OAS2: variants seen among roughly 807,000 people sequenced by gnomAD.
OAS2 encodes 2'-5'-oligoadenylate synthetase 2, also known as 2'-5'-oligoadenylate synthase 2.
A neutral mutation model predicts 71.3 loss-of-function variants in OAS2; 67 were observed. That is an observed-to-expected ratio of 0.94 (90% CI 0.77 to 1.15). The LOEUF (loss-of-function observed/expected upper bound fraction) is 1.15. Ranked by LOEUF, OAS2 falls within the 50% of genes most tolerant of loss-of-function variation. OAS2 has a pLI of 0.00. For synonymous variants in OAS2, 327 were observed against 321.8 expected (o/e 1.02, Z -0.17); for missense variants, 789 against 822.5 (o/e 0.96, Z 0.50).
intron 8 of OAS2, 140 bp from the exon 9 acceptor site, chr12:113,007,565 G>A (rs778340488): frequency 1.1e-4 from 79 of 722,522 alleles, no homozygotes; most frequent in Non-Finnish European, 1.9e-4. Flanking sequence ...CCTGTAGGCT[G>A]TACAATTTAG....
At chr12:112,996,944 G>A (rs1169208854) in intron 3 of OAS2, among the ~76,000 whole-genome samples, 2 of 152,142 alleles carry the variant, frequency 1.3e-5, no homozygotes, top group Non-Finnish European at 2.9e-5. Flanking sequence ...AAAGAACGAG[G>A]TCAGGGTTCA....
chr12:113,001,575 T>G (rs1297295998), intron 5 of OAS2, among the ~76,000 whole-genome samples: 1 of 150,114 alleles, frequency 6.7e-6, no homozygotes, highest in African/African-American at 2.4e-5. Context: ...CTCCTTGAGG[T>G]TGTCCAAATT....
chr12:113,000,536 A>ACG (rs1654076404), intron 5 of OAS2, among the ~76,000 whole-genome samples: 3 of 145,546 alleles, frequency 2.1e-5, no homozygotes, highest in African/African-American at 8.3e-5. Context: ...ACACACTCAC[A>ACG]CATGCACACA....
intron 5 of OAS2, among the ~76,000 whole-genome samples, 179 bp from the exon 6 acceptor site, chr12:113,002,753 A>G (rs2044300383): frequency 2.0e-5 from 3 of 151,944 alleles, no homozygotes; most frequent in African/African-American, 7.3e-5. Context: ...GCCACTCCAA[A>G]CTCTCAGGTG....
rs780113474 is a variant in OAS2 at position 113,006,603 on chromosome 12, A to G, written c.1656+3A>G. On this transcript the variant is annotated splice_donor_region_variant and intron_variant, in intron 8 of 9. Transcript: ENST00000392583. ...TGGTGAAGCACTGGTACAAAGAGGT[A>G]AGGACAGTCTTTGTTCTGACCATGG... 6.3e-7 allele frequency: 1 copy of G among 1,592,304 alleles called. No individual in the cohort carries two copies. The highest frequency in any genetic ancestry group is 8.6e-7 in the Non-Finnish European group (1 of 1,163,720).
At chr12:112,983,134 T>A (rs1485651910) in intron 1 of OAS2, among the ~76,000 whole-genome samples, 1 of 152,178 alleles carries the variant, frequency 6.6e-6, no homozygotes, top group East Asian at 1.9e-4. Context: ...CAACTTTTTA[T>A]TTTGTTAATT....
intron 9 of OAS2, 126 bp from the exon 10 acceptor site, chr12:113,008,961 T>C (rs2044357352): frequency 6.8e-7 from 1 of 1,470,344 alleles, no homozygotes; most frequent in Non-Finnish European, 9.1e-7. Flanking sequence ...ACTAGTAAAT[T>C]TGAGTTGCTG....
At chr12:112,987,360 C>T (rs199618139) in intron 2 of OAS2, 52 bp downstream of exon 2, 2 of 1,605,964 alleles carry the variant, frequency 1.2e-6, no homozygotes, top group African/African-American at 1.3e-5. Flanking sequence ...GGGTGCCAGA[C>T]AGCTCTGTGC....
chr12:113,006,664 G>C (rs536433008), intron 8 of OAS2, 64 bp downstream of exon 8: 1 of 1,369,606 alleles, frequency 7.3e-7, no homozygotes, highest in East Asian at 2.3e-5. Context: ...TGAACATTAA[G>C]CCCTGTTGCC....
At position 113,006,448 on chromosome 12, in the gene OAS2, G is replaced by C; in HGVS notation, c.1504G>C (p.Val502Leu). 5.0e-6 allele frequency: 8 copies of C among 1,585,086 alleles called. No individual in the cohort carries two copies. Among genetic ancestry groups the C allele is most frequent in the Non-Finnish European group, 6.9e-6 (8 of 1,158,088 alleles). ...TTCTGGCTCCACACCCAGCCCCGAGGTTTATGCAGGGCTCATTGATCTGTA... is the reference window on the plus strand; with the variant it reads ...TTCTGGCTCCACACCCAGCCCCGAGCTTTATGCAGGGCTCATTGATCTGTA... ...LSSGSTPSPE[V>L]YAGLIDLYKS... The change falls in exon 8 of 10, where the codon GTT (valine) becomes CTT (leucine). Residue 502 changes from valine to leucine, a missense_variant. Transcript: ENST00000392583.
intron 3 of OAS2, among the ~76,000 whole-genome samples, chr12:112,996,536 C>T (rs955667456): frequency 6.6e-6 from 1 of 151,968 alleles, no homozygotes; most frequent in Non-Finnish European, 1.5e-5. Context: ...GCCCACCCAG[C>T]GCAGCAAAGC....
Position 112,981,745 on chromosome 12 carries a change from GA to G in OAS2, c.177+2968del, listed in dbSNP as rs933299348. Among the ~76,000 whole-genome samples the G allele has an allele frequency of 1.3e-5, 2 of 151,582 alleles. 1 individual carries two copies. The highest frequency in any genetic ancestry group is 4.2e-4 in the South Asian group (2 of 4,802). ...TTAGGATTGTTTTTTCTATTTCTGT[GA>G]AAAAAAATGTCACTGGTATTTATAA... On this transcript the variant is annotated intron_variant, in intron 1 of 9. Transcript: ENST00000392583.
intron 9 of OAS2, among the ~76,000 whole-genome samples, 178 bp downstream of exon 9, chr12:113,008,121 G>T (rs1294925314): frequency 6.6e-6 from 1 of 152,118 alleles, no homozygotes; most frequent in Non-Finnish European, 1.5e-5. Flanking sequence ...AGGAGAAAAT[G>T]CTGTTCAGAA....
chr12:113,007,742 C>T lies in OAS2; in HGVS notation c.1694C>T (p.Pro565Leu). 1 of 1,614,076 alleles carries T rather than the reference C, an allele frequency of 6.2e-7. No individual in the cohort carries two copies. The highest frequency in any genetic ancestry group is 8.5e-7 in the Non-Finnish European group (1 of 1,179,984). ...RKLKPKGSLP[P>L]KYALELLTIY... Reference sequence around the variant, plus strand: ...CTGAAGCCAAAGGGGTCTTTGCCCCCAAAGTATGCCTTGGAGCTGCTCACC... The same window carrying T: ...CTGAAGCCAAAGGGGTCTTTGCCCCTAAAGTATGCCTTGGAGCTGCTCACC... Residue 565 changes from proline to leucine, a missense_variant, in exon 9 of 10, where the codon CCA becomes CTA. By Grantham distance (98) the Pro-to-Leu change is moderately conservative. Coordinates refer to ENST00000392583, the MANE Select transcript of OAS2 (RefSeq NM_002535.3).
At chr12:113,004,881 C>A (rs549892168) in intron 6 of OAS2, 53 bp from the exon 7 acceptor site, 6 of 1,586,138 alleles carry the variant, frequency 3.8e-6, no homozygotes, top group South Asian at 1.1e-5. Flanking sequence ...CACGGGGGCA[C>A]GGGACTCCTC....
chr12:113,002,518 A>G (rs1287580007), intron 5 of OAS2, among the ~76,000 whole-genome samples: 2 of 152,272 alleles, frequency 1.3e-5, no homozygotes, highest in Non-Finnish European at 2.9e-5. Context: ...GGATGTGGTC[A>G]TCAGCAATCT....
rs1239789186 is a variant in OAS2, at chr12:113,007,723, C to T, written c.1675C>T (p.Pro559Ser). The change falls in exon 9 of 10, where the codon CCA becomes TCA. Residue 559 changes from proline to serine, a missense_variant. Pro to Ser is a moderately conservative substitution (Grantham distance 74). Coordinates refer to ENST00000392583, the MANE Select transcript of OAS2 (RefSeq NM_002535.3). ...WYKECERKLK[P>S]KGSLPPKYAL... is the part of the protein sequence containing the mutation. The stretch of plus-strand genomic sequence containing the variant: ...TACCTAGTGTGAAAGGAAACTGAAG[C>T]CAAAGGGGTCTTTGCCCCCAAAGTA... 1 of 1,614,016 alleles carries T rather than the reference C, an allele frequency of 6.2e-7. No individual in the cohort carries two copies. Among genetic ancestry groups the T allele is most frequent in the South Asian group, 1.1e-5 (1 of 91,044 alleles).
At chr12:113,000,281 C>CAGA (rs1400826105) in intron 5 of OAS2, among the ~76,000 whole-genome samples, 2 of 152,170 alleles carry the variant, frequency 1.3e-5, no homozygotes, top group Non-Finnish European at 2.9e-5. Flanking sequence ...TTTTCCAACC[C>CAGA]AGAAGCACAT....
rs143473181 is a variant in OAS2 at position 112,989,148 on chromosome 12, G to A, written c.448+1840G>A. 2.8e-3 allele frequency among the ~76,000 whole-genome samples: 421 copies of A among 152,292 alleles called. 3 individuals are homozygous for A. Among genetic ancestry groups the A allele is most frequent in the African/African-American group, 9.5e-3 (394 of 41,550 alleles). ...AGTGGGAGGTAATTGAATCATGGAGGCAGGTATTTCCCATGCTGTTCTCAT... is the reference window on the plus strand; with the variant it reads ...AGTGGGAGGTAATTGAATCATGGAGACAGGTATTTCCCATGCTGTTCTCAT... On this transcript the variant is annotated intron_variant, in intron 2 of 9. Coordinates refer to ENST00000392583, the MANE Select transcript of OAS2 (RefSeq NM_002535.3).
Sources: allele counts gnomAD v4.1 joint callset (sites outside exome capture counted in the v4.1 genomes callset), GRCh38; gene constraint gnomAD v4.1.1; transcripts MANE v1.5; gene names NCBI Gene and HGNC (gene_info 2026-07-23, HGNC 2026-07-21).